The following B4GALT1 variants were observed in gnomAD, a reference collection of about 807,000 sequenced individuals.
B4GALT1 encodes the protein N-acetyllactosamine synthase.
In B4GALT1, 16 loss-of-function variants were observed where a neutral mutation model predicts 34.9. The ratio of observed to expected loss-of-function variants is 0.46; its 90% CI spans 0.31 to 0.70. The LOEUF (loss-of-function observed/expected upper bound fraction) is 0.70. Among genes scored for constraint, B4GALT1 ranks in the 30% least tolerant of loss-of-function variants. B4GALT1 has a pLI of 0.05. For synonymous variants in B4GALT1, 221 were observed against 218.1 expected (o/e 1.01, Z -0.12); for missense variants, 445 against 530.5 (o/e 0.84, Z 1.58).
intron 2 of B4GALT1, among the ~76,000 whole-genome samples, chr9:33,126,496 C>G (rs1840098461): frequency 6.6e-6 from 1 of 151,742 alleles, no homozygotes; most frequent in South Asian, 2.1e-4. Flanking sequence ...CCCAGGCTGG[C>G]CTTGAGCTCC....
rs558205028 is a variant in B4GALT1, at chr9:33,118,792, G to A, written c.836+1627C>T. ...GTACCCAACATAGAGGGTACCTGCA[G>A]CACAGCTCCTGGATCTTCAGATTCA... is the stretch of plus-strand genomic sequence containing the variant. On this transcript the variant is annotated intron_variant, in intron 3 of 5. Transcript: ENST00000379731. Among the ~76,000 whole-genome samples, 5 of 152,212 alleles carry A rather than the reference G, an allele frequency of 3.3e-5. No individual in the cohort carries two copies. In the South Asian group the frequency reaches 1.0e-3, roughly 32 times the overall value.
chr9:33,147,985 G>A (rs1037137690), intron 1 of B4GALT1, among the ~76,000 whole-genome samples: 1 of 152,072 alleles, frequency 6.6e-6, no homozygotes, highest in Middle Eastern at 3.2e-3. Flanking sequence ...AATGAGTCAT[G>A]ATCATACCAC....
At chr9:33,175,961 A>G in the B4GALT1 span, among the ~76,000 whole-genome samples, 1 of 152,244 alleles carries the variant, frequency 6.6e-6, no homozygotes, top group African/African-American at 2.4e-5. Context: ...CTAACATATA[A>G]TGGAAATACA....
intron 2 of B4GALT1, among the ~76,000 whole-genome samples, chr9:33,128,099 C>G (rs1197880020): frequency 2.7e-5 from 4 of 147,184 alleles, no homozygotes; most frequent in Non-Finnish European, 4.5e-5. Flanking sequence ...CGGCATTCCT[C>G]TCTCTCTCTC....
intron 1 of B4GALT1, among the ~76,000 whole-genome samples, chr9:33,156,731 T>G (rs1346648122): frequency 2.6e-5 from 4 of 152,238 alleles, no homozygotes; most frequent in African/African-American, 9.6e-5. Context: ...GCGCCCAGGC[T>G]AGCCCAACAG....
chr9:33,133,094 G>A (rs1317450010), intron 2 of B4GALT1, among the ~76,000 whole-genome samples: 1 of 152,112 alleles, frequency 6.6e-6, no homozygotes, highest in Non-Finnish European at 1.5e-5. Context: ...GTAGAGACGG[G>A]GTTTCGCCAT....
chr9:33,166,984 G>A lies in B4GALT1; in HGVS notation c.186C>T (p.Gly62=), dbSNP rs767224728. The A allele has an allele frequency of 6.9e-6, 11 of 1,588,448 alleles. No homozygotes were observed. In the South Asian group the frequency reaches 9.0e-5, roughly 13 times the overall value. ...QLVGVSTPLQ[G]GSNSAAAIGQ... The stretch of plus-strand genomic sequence containing the variant: ...CGATGGCGGCGGCACTGTTCGAGCC[G>A]CCCTGCAGCGGTGTGGAGACTCCGA... Residue 62 remains glycine (G), a synonymous_variant, in exon 1 of 6, where the codon GGC becomes GGT. Coordinates refer to ENST00000379731, the MANE Select transcript of B4GALT1 (RefSeq NM_001497.4).
intron 1 of B4GALT1, among the ~76,000 whole-genome samples, chr9:33,142,078 G>A (rs1564047386): frequency 6.6e-6 from 1 of 152,066 alleles, no homozygotes; most frequent in Non-Finnish European, 1.5e-5. Context: ...CGCCTCCTGG[G>A]TTCAAGCGAT....
At chr9:33,163,147 G>A (rs1351318439) in intron 1 of B4GALT1, among the ~76,000 whole-genome samples, 3 of 152,168 alleles carry the variant, frequency 2.0e-5, no homozygotes, top group Non-Finnish European at 4.4e-5. Context: ...GTCCTGGGCA[G>A]CCTGCTTGTG....
intron 2 of B4GALT1, among the ~76,000 whole-genome samples, chr9:33,120,838 C>T (rs1164783025): frequency 6.6e-6 from 1 of 152,152 alleles, no homozygotes; most frequent in Non-Finnish European, 1.5e-5. Flanking sequence ...CTATGAACAA[C>T]ATTGTCACTG....
chr9:33,108,183 G>A (rs1203558297), downstream of B4GALT1, among the ~76,000 whole-genome samples: 1 of 152,128 alleles, frequency 6.6e-6, no homozygotes, highest in East Asian at 1.9e-4. Context: ...CTTCATAACA[G>A]CCCTATGAAA....
At chr9:33,148,117 C>G (rs1840455772) in intron 1 of B4GALT1, among the ~76,000 whole-genome samples, 1 of 151,960 alleles carries the variant, frequency 6.6e-6, no homozygotes, top group Non-Finnish European at 1.5e-5. Context: ...GGATTAATAT[C>G]TAGGATGTAT....
the B4GALT1 span, among the ~76,000 whole-genome samples, chr9:33,173,768 A>G: frequency 5.3e-5 from 8 of 152,158 alleles, no homozygotes; most frequent in African/African-American, 9.7e-5. Context: ...GGGACTGGCT[A>G]GGAATATTAC....
intron 2 of B4GALT1, among the ~76,000 whole-genome samples, chr9:33,124,235 C>T (rs1460836230): frequency 1.3e-5 from 2 of 152,162 alleles, no homozygotes; most frequent in Non-Finnish European, 2.9e-5. Context: ...TCACAAGAGG[C>T]GGGAAGACGC....
chr9:33,135,320 C>T lies in B4GALT1; in HGVS notation c.517G>A (p.Val173Ile), dbSNP rs145978864. The change falls in exon 2 of 6, where the codon GTC (valine) becomes ATC (isoleucine). Residue 173 changes from valine to isoleucine, a missense_variant. Physicochemically the swap from Val to Ile is conservative, Grantham distance 29. Coordinates refer to ENST00000379731, the MANE Select transcript of B4GALT1 (RefSeq NM_001497.4). Reference protein sequence around the residue: ...MGGRYAPRDCVSPHKVAIIIP... With the variant: ...MGGRYAPRDCISPHKVAIIIP... ...ATGATGGCCACCTTGTGAGGAGAGA[C>T]GCAGTCCCTGGGGGCATAGCGGCCG... is the stretch of plus-strand genomic sequence containing the variant. 88 of 1,614,052 alleles carry T rather than the reference C, an allele frequency of 5.5e-5. No individual in the cohort carries two copies. The African/African-American group carries it at 7.2e-4, about 13-fold the overall frequency.
At chr9:33,109,812 C>A (rs996861496), downstream of B4GALT1, among the ~76,000 whole-genome samples, 9 of 152,220 alleles carry the variant, frequency 5.9e-5, no homozygotes, top group Non-Finnish European at 1.2e-4. Context: ...CACTAGAAAA[C>A]TGCTTGTTGG....
At chr9:33,143,723 C>T (rs183434835) in intron 1 of B4GALT1, among the ~76,000 whole-genome samples, 1 of 152,220 alleles carries the variant, frequency 6.6e-6, no homozygotes, top group Non-Finnish European at 1.5e-5. Flanking sequence ...ACTTCCCTCC[C>T]ACCCTCATGA....
intron 1 of B4GALT1, among the ~76,000 whole-genome samples, chr9:33,151,458 C>T (rs1350543394): frequency 6.6e-6 from 1 of 152,142 alleles, no homozygotes; most frequent in Admixed American, 6.5e-5. Flanking sequence ...CCCACTACTC[C>T]TATGGGCCAT....
rs143728784 is a variant in B4GALT1 at position 33,131,861 on chromosome 9, G to A, written c.648+3328C>T. On this transcript the variant is annotated intron_variant, in intron 2 of 5. Coordinates refer to ENST00000379731, the MANE Select transcript of B4GALT1 (RefSeq NM_001497.4). Reference sequence around the variant, plus strand: ...TCTCCTTCCACCTCTTTTTTTTCAGGGTTCAGGTTTCCCATTACCATTTTA... The same window carrying A: ...TCTCCTTCCACCTCTTTTTTTTCAGAGTTCAGGTTTCCCATTACCATTTTA... 3.0e-4 allele frequency among the ~76,000 whole-genome samples: 45 copies of A among 152,098 alleles called. No homozygotes were observed. In the East Asian group the frequency reaches 8.3e-3, roughly 28 times the overall value.
Sources: allele counts gnomAD v4.1 joint callset (sites outside exome capture counted in the v4.1 genomes callset), GRCh38; gene constraint gnomAD v4.1.1; transcripts MANE v1.5; gene names NCBI Gene and HGNC (gene_info 2026-07-23, HGNC 2026-07-21).